EFHD1: variants seen among roughly 807,000 people sequenced by gnomAD.
EFHD1 encodes the protein EF-hand domain-containing protein D1.
In EFHD1, 10 loss-of-function variants were observed where a neutral mutation model predicts 17.2. That is an observed-to-expected ratio of 0.58 (90% CI 0.36 to 0.99). EFHD1 has a LOEUF of 0.99. Among genes scored for constraint, EFHD1 ranks in the 50% least tolerant of loss-of-function variants. The pLI is 0.01. For missense variants in EFHD1, 310 were observed against 327.5 expected (o/e 0.95, Z 0.41); for synonymous variants, 153 against 142.0 (o/e 1.08, Z -0.55).
At chr2:232,634,713 T>G (rs1353754582) in intron 1 of EFHD1, among the ~76,000 whole-genome samples, 1 of 152,144 alleles carries the variant, frequency 6.6e-6, no homozygotes, top group East Asian at 1.9e-4. Flanking sequence ...AGGCAGGCGA[T>G]AGAGACCCAC....
chr2:232,670,543 G>T (rs930912977), intron 2 of EFHD1, among the ~76,000 whole-genome samples: 18 of 151,716 alleles, frequency 1.2e-4, no homozygotes, highest in East Asian at 3.9e-4. Context: ...GGAGGAGGGT[G>T]GATTATTCAA....
At chr2:232,618,887 T>C (rs1373071533) in intron 1 of EFHD1, among the ~76,000 whole-genome samples, 3 of 152,086 alleles carry the variant, frequency 2.0e-5, no homozygotes, top group Non-Finnish European at 4.4e-5. Flanking sequence ...CTCATGCCTG[T>C]AATCCCTGTA....
chr2:232,680,556 AATT>A (rs1296151784), intron 3 of EFHD1, among the ~76,000 whole-genome samples: 1 of 152,108 alleles, frequency 6.6e-6, no homozygotes, highest in African/African-American at 2.4e-5. Context: ...TATTTTTAAA[AATT>A]ATTATTATTT....
chr2:232,617,775 T>C (rs1693954164), intron 1 of EFHD1, among the ~76,000 whole-genome samples: 2 of 149,876 alleles, frequency 1.3e-5, no homozygotes, highest in Non-Finnish European at 3.0e-5. Context: ...CCAGCCATGG[T>C]TGTCTCTACT....
At chr2:232,668,134 A>G (rs758857466) in intron 2 of EFHD1, among the ~76,000 whole-genome samples, 3 of 152,132 alleles carry the variant, frequency 2.0e-5, no homozygotes, top group East Asian at 1.9e-4. Flanking sequence ...ACAGTTTCCA[A>G]TTCTTCTACC....
intron 1 of EFHD1, among the ~76,000 whole-genome samples, chr2:232,612,757 G>C (rs1184213343): frequency 6.8e-6 from 1 of 147,782 alleles, no homozygotes; most frequent in African/African-American, 2.5e-5. Flanking sequence ...TTTTGAGATG[G>C]AGTCACACTC....
chr2:232,646,142 T>C (rs1453916519), intron 1 of EFHD1, among the ~76,000 whole-genome samples: 1 of 152,208 alleles, frequency 6.6e-6, no homozygotes, highest in Non-Finnish European at 1.5e-5. Flanking sequence ...TGTCATTACC[T>C]TGCTTCCCTC....
chr2:232,664,039 G>A (rs1574728637), intron 2 of EFHD1, among the ~76,000 whole-genome samples: 1 of 151,956 alleles, frequency 6.6e-6, no homozygotes, highest in Non-Finnish European at 1.5e-5. Context: ...CGATTCTCCT[G>A]CCTCTGACTC....
chr2:232,637,490 C>T (rs540883408), intron 1 of EFHD1, among the ~76,000 whole-genome samples: 8 of 151,946 alleles, frequency 5.3e-5, no homozygotes, highest in East Asian at 1.9e-4. Flanking sequence ...ACTACAGGCG[C>T]GCACCACCAT....
chr2:232,609,076 TTTA>T, intron 1 of EFHD1, among the ~76,000 whole-genome samples: 1 of 146,020 alleles, frequency 6.8e-6, no homozygotes, highest in African/African-American at 2.5e-5. Flanking sequence ...TTTTTTTTTT[TTTA>T]GATGGAGTCT....
intron 3 of EFHD1, among the ~76,000 whole-genome samples, chr2:232,672,918 G>C (rs1250193641): frequency 6.6e-6 from 1 of 152,098 alleles, no homozygotes; most frequent in Non-Finnish European, 1.5e-5. Flanking sequence ...GAGGCTGCTT[G>C]GAGACAGATT....
chr2:232,606,440 TG>T, intron 1 of EFHD1: 1 of 579,960 alleles, frequency 1.7e-6, no homozygotes, highest in East Asian at 2.8e-5. Flanking sequence ...CAGGGTGTGC[TG>T]AAGTCCCCAT....
chr2:232,638,219 G>T (rs1260957085), intron 1 of EFHD1: 27 of 405,226 alleles, frequency 6.7e-5, no homozygotes, highest in Non-Finnish European at 2.0e-5. Context: ...AATTACCCTG[G>T]ACTTATCTGG....
At chr2:232,626,349 C>G (rs1467093738) in intron 1 of EFHD1, among the ~76,000 whole-genome samples, 3 of 151,732 alleles carry the variant, frequency 2.0e-5, no homozygotes, top group African/African-American at 4.8e-5. Flanking sequence ...AGTTCAAGAC[C>G]AGCCTGGCCA....
chr2:232,613,734 GCA>G (rs1693858000), intron 1 of EFHD1, among the ~76,000 whole-genome samples: 1 of 84,682 alleles, frequency 1.2e-5, no homozygotes, highest in South Asian at 4.0e-4. Context: ...ACACATATAC[GCA>G]CACACATACA....
rs748253697 is a variant in EFHD1, at chr2:232,681,669, C to G, written c.670C>G (p.Arg224Gly). 7.4e-6 allele frequency: 12 copies of G among 1,614,094 alleles called. No homozygotes were observed. In the African/African-American group the frequency reaches 1.6e-4, roughly 22 times the overall value. ...DERKREEEERRLRQAAFQKLK... is the reference protein window; with the variant it reads ...DERKREEEERGLRQAAFQKLK... ...GCGGAAGCGGGAGGAGGAGGAGAGG[C>G]GGCTCCGCCAGGCAGCCTTCCAGAA... Residue 224 changes from arginine (R) to glycine (G), a missense_variant, in exon 4 of 4, where the codon CGG becomes GGG. Transcript: ENST00000264059.
At chr2:232,674,687 A>G (rs921675835) in intron 3 of EFHD1, among the ~76,000 whole-genome samples, 1 of 152,312 alleles carries the variant, frequency 6.6e-6, no homozygotes, top group African/African-American at 2.4e-5. Flanking sequence ...ATGGCCCTCA[A>G]TAAACATTTG....
intron 1 of EFHD1, among the ~76,000 whole-genome samples, chr2:232,649,101 G>T (rs1328311264): frequency 1.3e-5 from 2 of 152,194 alleles, no homozygotes; most frequent in Non-Finnish European, 2.9e-5. Flanking sequence ...GAAAGCCTGG[G>T]GCTCTCTGCA....
chr2:232,608,302 G>A (rs7578946), intron 1 of EFHD1, among the ~76,000 whole-genome samples: 10,010 of 152,028 alleles, frequency 0.066, 1,007 homozygotes, highest in African/African-American at 0.22. Flanking sequence ...TCCGGGAGGC[G>A]GAGGTTGCAG....
Sources: allele counts gnomAD v4.1 joint callset (sites outside exome capture counted in the v4.1 genomes callset), GRCh38; gene constraint gnomAD v4.1.1; transcripts MANE v1.5; gene names NCBI Gene and HGNC (gene_info 2026-07-23, HGNC 2026-07-21).